The following PLXNA4 variants were observed in gnomAD, a reference collection of about 807,000 sequenced individuals.
The protein encoded by PLXNA4 is plexin A4.
Under a neutral mutation model 191.8 loss-of-function variants are expected in PLXNA4, and 44 were observed. That is an observed-to-expected ratio of 0.23 (90% CI 0.18 to 0.29). The LOEUF is 0.29. PLXNA4 is among the 10% of genes least tolerant of loss of function. The pLI, the probability that PLXNA4 is intolerant of heterozygous loss-of-function variation, is 1.00. For missense variants in PLXNA4, 1,800 were observed against 2,488.8 expected (o/e 0.72, Z 5.89); for synonymous variants, 1,082 against 1,009.5 (o/e 1.07, Z -1.36).
intron 2 of PLXNA4, among the ~76,000 whole-genome samples, chr7:132,616,195 A>G (rs751481488): frequency 5.3e-5 from 8 of 152,170 alleles, no homozygotes; most frequent in Admixed American, 1.3e-4. Context: ...TCCATGTTCC[A>G]TGCACAGTTT....
At chr7:132,241,309 G>A in intron 4 of PLXNA4, 143 bp from the exon 5 acceptor site, 1 of 578,396 alleles carries the variant, frequency 1.7e-6, no homozygotes, top group Non-Finnish European at 3.1e-6. Flanking sequence ...AGTGTGGGAA[G>A]GGAACTTGAG....
chr7:132,310,246 C>G (rs1801675943), intron 3 of PLXNA4, among the ~76,000 whole-genome samples: 1 of 152,250 alleles, frequency 6.6e-6, no homozygotes, highest in South Asian at 2.1e-4. Flanking sequence ...GCTCTCAGTT[C>G]AGCACCTGAT....
intron 11 of PLXNA4, among the ~76,000 whole-genome samples, chr7:132,203,068 C>T (rs1041605662): frequency 2.6e-5 from 4 of 152,186 alleles, no homozygotes; most frequent in African/African-American, 7.2e-5. Context: ...ACTCAGCAGC[C>T]CTTCCCAGGA....
chr7:132,445,219 A>G (rs1795860045), intron 3 of PLXNA4, among the ~76,000 whole-genome samples: 1 of 149,686 alleles, frequency 6.7e-6, no homozygotes, highest in Non-Finnish European at 1.5e-5. Context: ...TTAGCCAACC[A>G]CATCCACCCT....
intron 9 of PLXNA4, among the ~76,000 whole-genome samples, chr7:132,215,780 T>A (rs1394308867): frequency 6.6e-6 from 1 of 152,214 alleles, no homozygotes; most frequent in Non-Finnish European, 1.5e-5. Flanking sequence ...GGTGAACAGG[T>A]GGCGATGCTG....
At chr7:132,228,239 C>A in intron 6 of PLXNA4, 107 bp downstream of exon 6, 2 of 1,464,170 alleles carry the variant, frequency 1.4e-6, no homozygotes, top group East Asian at 2.4e-5. Flanking sequence ...TTCTGCTGGC[C>A]GGGCTTGGCC....
chr7:132,450,963 A>T (rs1796099565), intron 3 of PLXNA4, among the ~76,000 whole-genome samples: 1 of 152,214 alleles, frequency 6.6e-6, no homozygotes, highest in African/African-American at 2.4e-5. Flanking sequence ...GCCCAGAAAG[A>T]TGATTCAAGT....
intron 3 of PLXNA4, among the ~76,000 whole-genome samples, chr7:132,333,314 A>C (rs1802672745): frequency 6.6e-6 from 1 of 152,138 alleles, no homozygotes; most frequent in Admixed American, 6.5e-5. Flanking sequence ...GCAGAGTAAT[A>C]ATGGGCTCTC....
intron 31 of PLXNA4, among the ~76,000 whole-genome samples, chr7:132,132,497 T>TTCTATTCTA (rs367658994): frequency 0.02 from 2,197 of 111,548 alleles, 153 homozygotes; most frequent in African/African-American, 0.051. Context: ...GCTCTATTCT[T>TTCTATTCTA]TTCTATTCTA....
chr7:132,420,424 C>T (rs891116197), intron 3 of PLXNA4, among the ~76,000 whole-genome samples: 1 of 152,280 alleles, frequency 6.6e-6, no homozygotes, highest in African/African-American at 2.4e-5. Context: ...TGGCTGGGCT[C>T]ATCCTCTGGT....
At chr7:132,238,103 A>G (rs1229654262) in intron 5 of PLXNA4, among the ~76,000 whole-genome samples, 1 of 152,210 alleles carries the variant, frequency 6.6e-6, no homozygotes, top group Non-Finnish European at 1.5e-5. Context: ...CAAGAAGGCC[A>G]TGGTGTGCCT....
At chr7:132,631,993 G>A (rs946277195) in intron 2 of PLXNA4, among the ~76,000 whole-genome samples, 1 of 152,190 alleles carries the variant, frequency 6.6e-6, no homozygotes, top group Non-Finnish European at 1.5e-5. Context: ...CCAGCATTTT[G>A]GGAGGCCAAG....
chr7:132,187,210 A>G (rs1796908492), intron 15 of PLXNA4, among the ~76,000 whole-genome samples: 2 of 152,114 alleles, frequency 1.3e-5, no homozygotes, highest in South Asian at 2.1e-4. Context: ...AAAAAACCCT[A>G]GTCTCCAAAT....
chr7:132,508,536 T>C lies in PLXNA4; in HGVS notation c.158A>G (p.His53Arg), dbSNP rs1168159233. The change falls in exon 2 of 32, where the codon CAC becomes CGC. Residue 53 changes from histidine (H) to arginine (R), a missense_variant. This residue lies in a region of PLXNA4 where 1,397 missense variants were observed against 1,880.4 expected (regional missense o/e 0.74). Transcript: ENST00000321063. The surrounding 1 kb of genome is among the most constrained non-coding windows in gnomAD (Gnocchi z 4.4). ...TCCTGTCCTCTCATCCACCACCAGG[T>C]GATTGAAACCCTCGGCGGGCTCTCC... is the stretch of plus-strand genomic sequence containing the variant. ...FRGEPAEGFN[H>R]LVVDERTGHI... 6.2e-7 allele frequency: 1 copy of C among 1,614,082 alleles called. No homozygotes were observed. The highest frequency in any genetic ancestry group is 8.5e-7 in the Non-Finnish European group (1 of 1,180,014).
intron 6 of PLXNA4, 112 bp downstream of exon 6, chr7:132,228,234 C>A: frequency 1.4e-6 from 2 of 1,422,456 alleles, no homozygotes; most frequent in South Asian, 1.3e-5. Flanking sequence ...GCTGCTTCTG[C>A]TGGCCGGGCT....
intron 3 of PLXNA4, among the ~76,000 whole-genome samples, chr7:132,307,041 G>A (rs893093449): frequency 3.3e-5 from 5 of 152,112 alleles, no homozygotes; most frequent in African/African-American, 7.2e-5. Flanking sequence ...CTAGTTTGCA[G>A]GCTGGTAGAC....
At chr7:132,486,122 G>T (rs1342919554) in intron 3 of PLXNA4, among the ~76,000 whole-genome samples, 2 of 152,102 alleles carry the variant, frequency 1.3e-5, no homozygotes, top group Non-Finnish European at 2.9e-5. Flanking sequence ...ACACACAGGA[G>T]ATTATTACAG....
chr7:132,516,220 TTTTA>T (rs58035948), intron 1 of PLXNA4, among the ~76,000 whole-genome samples: 17,262 of 148,198 alleles, frequency 0.12, 1,097 homozygotes, highest in Non-Finnish European at 0.13. Context: ...CATTTTGTCC[TTTTA>T]TTTATTTATT....
At chr7:132,444,118 A>T (rs1201584402) in intron 3 of PLXNA4, among the ~76,000 whole-genome samples, 1 of 152,232 alleles carries the variant, frequency 6.6e-6, no homozygotes, top group Non-Finnish European at 1.5e-5. Context: ...CCTTTTCTAG[A>T]ATCTGAAAGT....
Sources: allele counts gnomAD v4.1 joint callset (sites outside exome capture counted in the v4.1 genomes callset), GRCh38; gene constraint gnomAD v4.1.1; regional missense constraint gnomAD v4.1.1; non-coding constraint Gnocchi (gnomAD v3.1); transcripts MANE v1.5; gene names NCBI Gene and HGNC (gene_info 2026-07-23, HGNC 2026-07-21).